Variants in GULP1 observed in about 807,000 individuals in gnomAD.
The protein encoded by GULP1 is PTB domain-containing engulfment adapter protein 1.
Under a neutral mutation model 40.9 loss-of-function variants are expected in GULP1, and 19 were observed. That is an observed-to-expected ratio of 0.46 (90% CI 0.32 to 0.68). The LOEUF is 0.68. Among genes scored for constraint, GULP1 ranks in the 30% least tolerant of loss-of-function variants. GULP1 has a pLI of 0.03. For missense variants in GULP1, 312 were observed against 362.2 expected, an observed-to-expected ratio of 0.86 and a Z score of 1.12; for synonymous variants, 119 against 117.6, an observed-to-expected ratio of 1.01 and a Z score of -0.08.
At chr2:188,544,207 G>A (rs1691292786) in intron 7 of GULP1, among the ~76,000 whole-genome samples, 1 of 151,976 alleles carries the variant, frequency 6.6e-6, no homozygotes, top group Non-Finnish European at 1.5e-5. Flanking sequence ...TTCATACCAA[G>A]AGACAGGTTT....
At chr2:188,366,706 GC>G (rs973137736) in intron 1 of GULP1, among the ~76,000 whole-genome samples, 25 of 148,084 alleles carry the variant, frequency 1.7e-4, no homozygotes, top group African/African-American at 6.2e-4. Flanking sequence ...CCATTCTCCT[GC>G]CTCAGCCTCC....
chr2:188,409,245 CAA>C (rs1448054081), intron 2 of GULP1, among the ~76,000 whole-genome samples: 2 of 151,854 alleles, frequency 1.3e-5, no homozygotes, highest in East Asian at 3.9e-4. Flanking sequence ...CTAAAAAACT[CAA>C]ATAAAATCAG....
At chr2:188,302,405 A>G (rs1424490762) in intron 1 of GULP1, among the ~76,000 whole-genome samples, 2 of 152,204 alleles carry the variant, frequency 1.3e-5, no homozygotes, top group African/African-American at 2.4e-5. Context: ...GCTGTGTGGT[A>G]TCTTTAGTGT....
At chr2:188,584,536 T>A (rs1701977137) in intron 10 of GULP1, 133 bp downstream of exon 10, 1 of 420,398 alleles carries the variant, frequency 2.4e-6, no homozygotes, top group Non-Finnish European at 4.2e-6. Flanking sequence ...ATTATTTTTA[T>A]ATTTGTATAA....
At chr2:188,346,989 T>A (rs111346224) in intron 1 of GULP1, among the ~76,000 whole-genome samples, 2 of 151,960 alleles carry the variant, frequency 1.3e-5, no homozygotes, top group African/African-American at 4.8e-5. Context: ...AAAAAATTGT[T>A]TTGCTTTTAG....
chr2:188,573,961 T>C (rs947951007), intron 9 of GULP1, among the ~76,000 whole-genome samples: 5 of 152,172 alleles, frequency 3.3e-5, no homozygotes, highest in Admixed American at 6.5e-5. Flanking sequence ...AAGGTGACAC[T>C]TTTGTCAAAA....
intron 4 of GULP1, among the ~76,000 whole-genome samples, chr2:188,486,312 C>A (rs2061856710): frequency 6.6e-6 from 1 of 151,738 alleles, no homozygotes; most frequent in South Asian, 2.1e-4. Context: ...CTTAATATTC[C>A]AGAGGAAGAA....
chr2:188,560,193 A>G (rs995025290), intron 7 of GULP1, among the ~76,000 whole-genome samples: 1 of 152,078 alleles, frequency 6.6e-6, no homozygotes, highest in Non-Finnish European at 1.5e-5. Flanking sequence ...AGCTTGTTAG[A>G]AGCAGCCAGA....
At chr2:188,329,445 T>C (rs889526828) in intron 1 of GULP1, among the ~76,000 whole-genome samples, 14 of 152,028 alleles carry the variant, frequency 9.2e-5, no homozygotes, top group African/African-American at 3.1e-4. Flanking sequence ...CATGGAGGTG[T>C]GTGGGGGAAA....
chr2:188,422,154 A>G (rs1303274380), intron 2 of GULP1, among the ~76,000 whole-genome samples: 1 of 137,388 alleles, frequency 7.3e-6, no homozygotes, highest in African/African-American at 2.7e-5. Flanking sequence ...TGTAGTTTTT[A>G]ATCAATCATG....
intron 1 of GULP1, among the ~76,000 whole-genome samples, chr2:188,341,153 A>G (rs775807746): frequency 1.2e-4 from 19 of 152,160 alleles, no homozygotes; most frequent in Non-Finnish European, 2.8e-4. Context: ...TTTTCTGCCT[A>G]GAATTTCTTT....
intron 2 of GULP1, among the ~76,000 whole-genome samples, chr2:188,403,729 T>C (rs753249284): frequency 1.2e-4 from 18 of 152,260 alleles, no homozygotes; most frequent in Non-Finnish European, 2.6e-4. Context: ...ACTAAGTCTG[T>C]ACCATACTGA....
intron 7 of GULP1, among the ~76,000 whole-genome samples, chr2:188,562,938 T>C (rs1696691285): frequency 6.6e-6 from 1 of 151,884 alleles, no homozygotes; most frequent in Non-Finnish European, 1.5e-5. Context: ...TATATAACTA[T>C]AGCTAAAAGA....
At position 188,541,371 on chromosome 2, in the gene GULP1, T is replaced by A. The variant is rs760840961; in HGVS notation, c.399+53T>A. On this transcript the variant is annotated intron_variant, in intron 7 of 11. Coordinates refer to ENST00000409830, the MANE Select transcript of GULP1 (RefSeq NM_016315.4). Reference sequence around the variant, plus strand: ...TTTGTTCTGTTTTATAAGCCAGGAATTGTCTTGCTTCTGGCATTGGCAAAG... The same window carrying A: ...TTTGTTCTGTTTTATAAGCCAGGAAATGTCTTGCTTCTGGCATTGGCAAAG... The A allele has an allele frequency of 8.7e-6, 13 of 1,489,018 alleles. No homozygotes were observed. In the African/African-American group the frequency reaches 1.5e-4, roughly 17 times the overall value. The allele number at this position is 1,489,018 out of a possible 1,614,324, so 92.2% of individuals were successfully genotyped here.
intron 1 of GULP1, among the ~76,000 whole-genome samples, chr2:188,299,511 TC>T (rs1339173012): frequency 1.3e-5 from 2 of 152,304 alleles, no homozygotes; most frequent in East Asian, 3.9e-4. Context: ...TTGAAGTCTT[TC>T]CCCCCTTCTC....
At chr2:188,347,117 G>A (rs1332721946) in intron 1 of GULP1, among the ~76,000 whole-genome samples, 1 of 152,130 alleles carries the variant, frequency 6.6e-6, no homozygotes, top group African/African-American at 2.4e-5. Context: ...CACAAATAAG[G>A]AAATTGGGAC....
At chr2:188,354,017 G>A in intron 1 of GULP1, among the ~76,000 whole-genome samples, 1 of 152,066 alleles carries the variant, frequency 6.6e-6, no homozygotes, top group East Asian at 1.9e-4. Context: ...CTAGTACCCT[G>A]CTTCCCTGGA....
At position 188,419,667 on chromosome 2, in the gene GULP1, G is replaced by A. The variant is rs934922040; in HGVS notation, c.-45+35778G>A. On this transcript the variant is annotated intron_variant, in intron 2 of 11. Transcript: ENST00000409830. ...CCATTCTATAGTGCTTGTTTTTCACGCATTGTTGATTGTTTTCTTTGCTGT... is the reference window on the plus strand; with the variant it reads ...CCATTCTATAGTGCTTGTTTTTCACACATTGTTGATTGTTTTCTTTGCTGT... Among the ~76,000 whole-genome samples the A allele has an allele frequency of 2.1e-4, 32 of 151,296 alleles. 1 individual carries two copies. Among genetic ancestry groups the A allele is most frequent in the Non-Finnish European group, 2.9e-5 (2 of 67,894 alleles).
At chr2:188,339,330 CT>C (rs2042676626) in intron 1 of GULP1, among the ~76,000 whole-genome samples, 1 of 152,092 alleles carries the variant, frequency 6.6e-6, no homozygotes, top group African/African-American at 2.4e-5. Context: ...TTAGATGATG[CT>C]TTGTCAGTAT....
Sources: allele counts gnomAD v4.1 joint callset (sites outside exome capture counted in the v4.1 genomes callset), GRCh38; gene constraint gnomAD v4.1.1; transcripts MANE v1.5; gene names NCBI Gene and HGNC (gene_info 2026-07-23, HGNC 2026-07-21).